The following CDH13 variants were observed in gnomAD, a reference collection of about 807,000 sequenced individuals.
CDH13 encodes the protein cadherin-13.
Under a neutral mutation model 63.8 loss-of-function variants are expected in CDH13, and 24 were observed. The observed-to-expected ratio is 0.38, with a 90% CI of 0.27 to 0.53. CDH13 has a LOEUF of 0.53. Ranked by LOEUF, CDH13 falls within the 20% of genes least tolerant of loss-of-function variation. CDH13 has a pLI of 0.85. For missense variants in CDH13, 1,049 were observed against 903.1 expected (o/e 1.16, Z -2.07); for synonymous variants, 503 against 355.3 (o/e 1.42, Z -4.67).
At chr16:83,136,715 A>C (rs1192214104) in intron 4 of CDH13, among the ~76,000 whole-genome samples, 1 of 152,066 alleles carries the variant, frequency 6.6e-6, no homozygotes, top group Non-Finnish European at 1.5e-5. Flanking sequence ...CCGCAGCCTG[A>C]ATGCAGACAG....
intron 1 of CDH13, among the ~76,000 whole-genome samples, chr16:82,733,210 G>C (rs761477731): frequency 5.9e-5 from 9 of 152,166 alleles, no homozygotes; most frequent in Admixed American, 1.3e-4. Context: ...AGACAAGTGA[G>C]GACATGCAGA....
chr16:83,082,543 G>A (rs904517678), intron 3 of CDH13, among the ~76,000 whole-genome samples: 1 of 152,180 alleles, frequency 6.6e-6, no homozygotes, highest in African/African-American at 2.4e-5. Flanking sequence ...TGAGGCAGGA[G>A]AATAGGAGGA....
At chr16:82,997,737 A>C (rs1329550804) in intron 2 of CDH13, among the ~76,000 whole-genome samples, 1 of 152,198 alleles carries the variant, frequency 6.6e-6, no homozygotes, top group African/African-American at 2.4e-5. Context: ...GCTATATCTA[A>C]CATAGAAGTT....
intron 1 of CDH13, among the ~76,000 whole-genome samples, chr16:82,657,237 A>T (rs912101304): frequency 2.0e-5 from 3 of 152,184 alleles, no homozygotes; most frequent in African/African-American, 7.2e-5. Flanking sequence ...GTAAGAGATG[A>T]ACAACAATTG....
intron 7 of CDH13, among the ~76,000 whole-genome samples, chr16:83,539,591 C>T (rs940123919): frequency 1.3e-5 from 2 of 152,174 alleles, no homozygotes; most frequent in African/African-American, 4.8e-5. Flanking sequence ...GCATGAGGGC[C>T]ATTTGTTGAA....
chr16:82,742,250 T>C (rs979663074), intron 1 of CDH13, among the ~76,000 whole-genome samples: 4 of 152,160 alleles, frequency 2.6e-5, no homozygotes, highest in African/African-American at 7.2e-5. Flanking sequence ...TTGAAAGAAA[T>C]ACAGGAAAAT....
chr16:82,869,329 C>A (rs962003812), intron 2 of CDH13, among the ~76,000 whole-genome samples: 1 of 152,016 alleles, frequency 6.6e-6, no homozygotes, highest in Non-Finnish European at 1.5e-5. Flanking sequence ...AGGTGTGAAC[C>A]ACTGCGCTCA....
chr16:82,679,949 C>T (rs532997066), intron 1 of CDH13, among the ~76,000 whole-genome samples: 50 of 152,272 alleles, frequency 3.3e-4, no homozygotes, highest in African/African-American at 9.1e-4. Context: ...TTCAGTATAT[C>T]GTGATCTTCT....
chr16:82,640,298 C>A (rs1052426454), intron 1 of CDH13, among the ~76,000 whole-genome samples: 1 of 152,298 alleles, frequency 6.6e-6, no homozygotes, highest in Non-Finnish European at 1.5e-5. Flanking sequence ...GTAATACATA[C>A]ATGGCATTTT....
chr16:82,922,949 AT>A (rs373292292), intron 2 of CDH13, among the ~76,000 whole-genome samples: 3 of 152,284 alleles, frequency 2.0e-5, no homozygotes, highest in Non-Finnish European at 4.4e-5. Flanking sequence ...AGTCACACAT[AT>A]TTTTTGTATC....
intron 7 of CDH13, among the ~76,000 whole-genome samples, chr16:83,570,640 C>G (rs76210703): frequency 0.017 from 2,551 of 150,230 alleles, 63 homozygotes; most frequent in African/African-American, 0.059. Flanking sequence ...AAAGTCCATC[C>G]TAGTATTCCC....
At chr16:82,661,222 T>C (rs888087162) in intron 1 of CDH13, among the ~76,000 whole-genome samples, 4 of 152,198 alleles carry the variant, frequency 2.6e-5, no homozygotes, top group African/African-American at 7.2e-5. Context: ...CCCCTCACCA[T>C]GTTGTAATGA....
chr16:82,828,056 A>C (rs1240982440), intron 1 of CDH13, among the ~76,000 whole-genome samples: 1 of 152,100 alleles, frequency 6.6e-6, no homozygotes, highest in Non-Finnish European at 1.5e-5. Flanking sequence ...TCCTATTATG[A>C]GAGGTTAGAG....
chr16:83,315,638 A>AT (rs1190316278), intron 5 of CDH13, among the ~76,000 whole-genome samples: 5 of 134,152 alleles, frequency 3.7e-5, no homozygotes, highest in Admixed American at 1.5e-4. Flanking sequence ...CAAACTCTGG[A>AT]TTTAAAAAAA....
At chr16:83,108,831 A>G (rs1445704930) in intron 3 of CDH13, among the ~76,000 whole-genome samples, 1 of 152,100 alleles carries the variant, frequency 6.6e-6, no homozygotes, top group Non-Finnish European at 1.5e-5. Flanking sequence ...GTCCTCAGTA[A>G]ATGACTGATG....
chr16:82,852,961 T>G (rs1262593209), intron 1 of CDH13, among the ~76,000 whole-genome samples: 1 of 151,978 alleles, frequency 6.6e-6, no homozygotes, highest in Non-Finnish European at 1.5e-5. Flanking sequence ...AATCAGTACC[T>G]GTCAGGATAA....
chr16:82,639,039 C>T (rs931516963), intron 1 of CDH13, among the ~76,000 whole-genome samples: 5 of 152,188 alleles, frequency 3.3e-5, no homozygotes, highest in Admixed American at 6.5e-5. Flanking sequence ...GCCACACAGT[C>T]ACTGAGAACT....
chr16:82,646,650 G>A (rs929971569), intron 1 of CDH13, among the ~76,000 whole-genome samples: 2 of 152,102 alleles, frequency 1.3e-5, no homozygotes, highest in East Asian at 1.9e-4. Flanking sequence ...GGTTGTGAGC[G>A]ATGCTTTCAT....
At chr16:82,676,486 C>CTTTTTTTTT (rs11330492) in intron 1 of CDH13, among the ~76,000 whole-genome samples, 1 of 96,342 alleles carries the variant, frequency 1.0e-5, no homozygotes, top group Non-Finnish European at 2.0e-5. Context: ...ACCATCATTT[C>CTTTTTTTTT]TTTTTTTTTT....
Sources: gnomAD v4.1 joint callset for allele counts (sites outside exome capture counted in the v4.1 genomes callset) on GRCh38, gnomAD v4.1.1 for gene constraint, MANE v1.5 for transcripts, NCBI Gene and HGNC (gene_info 2026-07-23, HGNC 2026-07-21) for gene names.